Variants in NBAS observed in about 807,000 individuals in gnomAD.
The protein encoded by NBAS is NBAS subunit of NRZ tethering complex.
In NBAS, 219 loss-of-function variants were observed where a neutral mutation model predicts 302.5. That is an observed-to-expected ratio of 0.72 (90% CI 0.65 to 0.81). The LOEUF (loss-of-function observed/expected upper bound fraction) is 0.81, where lower values mean the gene tolerates loss of function less well. Among genes scored for constraint, NBAS ranks in the 30% least tolerant of loss-of-function variants. The pLI is 0.00. For synonymous variants in NBAS, 1,118 were observed against 1,021.6 expected (o/e 1.09, Z -1.80); for missense variants, 2,932 against 2,841.6 (o/e 1.03, Z -0.72).
chr2:15,121,390 G>A, the NBAS span, among the ~76,000 whole-genome samples: 1 of 152,128 alleles, frequency 6.6e-6, no homozygotes, highest in Non-Finnish European at 1.5e-5. Flanking sequence ...ATGGTTCTGT[G>A]GTGCAGCAGG....
At chr2:14,945,413 A>G in the NBAS span, among the ~76,000 whole-genome samples, 1 of 152,208 alleles carries the variant, frequency 6.6e-6, no homozygotes, top group Non-Finnish European at 1.5e-5. Flanking sequence ...GCAAACAAAG[A>G]ATCATGATCT....
chr2:14,869,901 G>A, the NBAS span, among the ~76,000 whole-genome samples: 1 of 152,072 alleles, frequency 6.6e-6, no homozygotes, highest in African/African-American at 2.4e-5. Context: ...CCTTCCCTAT[G>A]GGACTTTCAT....
chr2:14,869,866 T>C, the NBAS span, among the ~76,000 whole-genome samples: 2 of 152,208 alleles, frequency 1.3e-5, no homozygotes, highest in African/African-American at 4.8e-5. Flanking sequence ...GGGTCAGTCA[T>C]CACAGCCAGG....
the NBAS span, among the ~76,000 whole-genome samples, chr2:14,862,746 G>A: frequency 5.9e-5 from 9 of 152,294 alleles, no homozygotes; most frequent in African/African-American, 2.2e-4. Flanking sequence ...AATGTTAGAT[G>A]CTATAGCAGA....
chr2:15,091,949 T>C, the NBAS span, among the ~76,000 whole-genome samples: 1 of 152,248 alleles, frequency 6.6e-6, no homozygotes, highest in African/African-American at 2.4e-5. Context: ...ATGTTATCAG[T>C]AAAGCTTCTG....
At chr2:15,326,424 G>A (rs914969014) in intron 38 of NBAS, among the ~76,000 whole-genome samples, 2 of 152,078 alleles carry the variant, frequency 1.3e-5, no homozygotes, top group East Asian at 1.9e-4. Flanking sequence ...CCGTTATTAC[G>A]CCAAATAATA....
At chr2:15,437,265 T>C (rs995542866) in intron 21 of NBAS, among the ~76,000 whole-genome samples, 2 of 152,112 alleles carry the variant, frequency 1.3e-5, no homozygotes, top group African/African-American at 2.4e-5. Flanking sequence ...GAAGGATCAC[T>C]CGTGCCCAGG....
At chr2:15,443,337 G>C (rs2148519535) in intron 21 of NBAS, among the ~76,000 whole-genome samples, 2 of 151,518 alleles carry the variant, frequency 1.3e-5, no homozygotes, top group Middle Eastern at 6.8e-3. Context: ...GGGATGCAAG[G>C]CTGGTTCAAT....
the NBAS span, among the ~76,000 whole-genome samples, chr2:14,918,298 G>A: frequency 7.1e-6 from 1 of 140,530 alleles, no homozygotes; most frequent in African/African-American, 2.8e-5. Context: ...CCCTGGAGAA[G>A]GAAGAAATCC....
the NBAS span, among the ~76,000 whole-genome samples, chr2:15,154,453 C>T: frequency 1.3e-5 from 2 of 152,162 alleles, no homozygotes; most frequent in African/African-American, 2.4e-5. Flanking sequence ...CTTCTAGCTC[C>T]ATTGCCTCAT....
intron 9 of NBAS, among the ~76,000 whole-genome samples, chr2:15,520,364 T>A (rs965424994): frequency 6.6e-6 from 1 of 152,046 alleles, no homozygotes. Flanking sequence ...ATCACATACA[T>A]CACTGCACTC....
At chr2:15,513,078 T>C (rs1572952056) in intron 9 of NBAS, among the ~76,000 whole-genome samples, 1 of 152,188 alleles carries the variant, frequency 6.6e-6, no homozygotes, top group Admixed American at 6.5e-5. Context: ...AAAATCCTTC[T>C]AGGTTTAATT....
At chr2:14,902,505 G>GAT in the NBAS span, among the ~76,000 whole-genome samples, 2 of 152,180 alleles carry the variant, frequency 1.3e-5, no homozygotes, top group Non-Finnish European at 2.9e-5. Flanking sequence ...AAAACAGAGA[G>GAT]ATACACACAG....
chr2:14,798,752 A>T, the NBAS span, among the ~76,000 whole-genome samples: 3 of 152,204 alleles, frequency 2.0e-5, no homozygotes, highest in Non-Finnish European at 2.9e-5. Context: ...ATCTTAAAAA[A>T]ATATATATGG....
chr2:15,070,972 C>T, the NBAS span, among the ~76,000 whole-genome samples: 3 of 152,084 alleles, frequency 2.0e-5, no homozygotes. Flanking sequence ...GAAACTGAGA[C>T]CCAGAGAGGA....
chr2:14,910,077 G>C, the NBAS span, among the ~76,000 whole-genome samples: 16 of 152,302 alleles, frequency 1.1e-4, no homozygotes, highest in East Asian at 2.9e-3. Flanking sequence ...TTAGCGGGGA[G>C]AGTTCTAGGT....
At chr2:14,814,085 C>T in the NBAS span, among the ~76,000 whole-genome samples, 1 of 152,182 alleles carries the variant, frequency 6.6e-6, no homozygotes, top group Non-Finnish European at 1.5e-5. Context: ...GGAGCCTCCT[C>T]CTAGATTTCA....
chr2:15,181,430 T>A (rs1039687270), intron 50 of NBAS, among the ~76,000 whole-genome samples: 6 of 152,216 alleles, frequency 3.9e-5, no homozygotes, highest in South Asian at 4.1e-4. Context: ...ACTTACTCTA[T>A]CTTTAAGTGC....
intron 51 of NBAS, among the ~76,000 whole-genome samples, chr2:15,173,539 A>T (rs904143888): frequency 2.6e-5 from 4 of 152,230 alleles, no homozygotes; most frequent in African/African-American, 9.6e-5. Context: ...GGACAACGTA[A>T]GTATACGCTT....
Sources: gnomAD v4.1 joint callset for allele counts (sites outside exome capture counted in the v4.1 genomes callset) on GRCh38, gnomAD v4.1.1 for gene constraint, MANE v1.5 for transcripts, NCBI Gene and HGNC (gene_info 2026-07-23, HGNC 2026-07-21) for gene names.